CCNH: variants seen among roughly 807,000 people sequenced by gnomAD.
The protein encoded by CCNH is cyclin H.
CCNH carries 31 observed loss-of-function variants against 41.9 expected under a neutral mutation model. The ratio of observed to expected loss-of-function variants is 0.74; its 90% CI spans 0.56 to 1.00. The LOEUF is 1.00. Among genes scored for constraint, CCNH ranks in the 50% least tolerant of loss-of-function variants. CCNH has a pLI of 0.00. For missense variants in CCNH, 362 were observed against 388.4 expected, an observed-to-expected ratio of 0.93 and a Z score of 0.57; for synonymous variants, 138 against 136.1, an observed-to-expected ratio of 1.01 and a Z score of -0.10.
In CCNH at chr5:87,341,295, G is replaced by A. The variant is rs2112398085; in HGVS notation, c.*91-22398C>T. 7.4e-7 allele frequency: 1 copy of A among 1,348,630 alleles called. No individual in the cohort carries two copies. The highest frequency in any genetic ancestry group is 9.6e-7 in the Non-Finnish European group (1 of 1,041,740). 83.5% of individuals were successfully genotyped at this position (1,348,630 alleles called of 1,614,324 possible). A position where few individuals can be genotyped will look rare whatever the true frequency, so the allele number is the denominator to read the frequency against. On this transcript the variant is annotated intron_variant and NMD_transcript_variant, in intron 9 of 9. Coordinates refer to the CCNH transcript ENST00000645953. Reference sequence around the variant, plus strand: ...TCTTAATGTCTTCCCTTTAGGGCCGGGAAGAAGATCCACATGAAGGAAAAA... The same window carrying A: ...TCTTAATGTCTTCCCTTTAGGGCCGAGAAGAAGATCCACATGAAGGAAAAA...
chr5:87,341,149 C>A, intron 9 of CCNH: 1 of 465,744 alleles, frequency 2.1e-6, no homozygotes, highest in Non-Finnish European at 3.4e-6. Flanking sequence ...AAGATATTTA[C>A]TGAACAGAAA....
intron 9 of CCNH, chr5:87,333,293 A>C: frequency 6.2e-7 from 1 of 1,613,190 alleles, no homozygotes; most frequent in Non-Finnish European, 8.5e-7. Context: ...GGCGTGTACG[A>C]GCTATTCTAC....
chr5:87,393,427 T>TTTATC (rs1206676284), downstream of CCNH: 1 of 152,192 alleles, frequency 6.6e-6, no homozygotes, highest in Non-Finnish European at 1.5e-5. Context: ...AGTAGGCATT[T>TTTATC]TTATCTTCCC....
At chr5:87,403,906 T>C (rs1023532244) in intron 5 of CCNH, among the ~76,000 whole-genome samples, 9 of 152,248 alleles carry the variant, frequency 5.9e-5, no homozygotes, top group Admixed American at 2.0e-4. Flanking sequence ...TCCTAAAGTG[T>C]AGTACAGTGC....
chr5:87,335,419 G>GTTTTTTTTTTTTTTTTTTTTTTTTTTTTT, intron 9 of CCNH, among the ~76,000 whole-genome samples: 1 of 72,890 alleles, frequency 1.4e-5, no homozygotes, highest in Non-Finnish European at 2.4e-5. Flanking sequence ...AAAGAATGAG[G>GTTTTTTTTTTTTTTTTTTTTTTTTTTTTT]TTTTTTTTTT....
At chr5:87,395,003 A>T in intron 8 of CCNH, 41 bp downstream of exon 8, 1 of 1,612,014 alleles carries the variant, frequency 6.2e-7, no homozygotes. Context: ...CAGAATGTAT[A>T]ACAAAAATAA....
At chr5:87,334,348 C>G (rs1580287339) in intron 9 of CCNH, among the ~76,000 whole-genome samples, 1 of 152,020 alleles carries the variant, frequency 6.6e-6, no homozygotes, top group East Asian at 1.9e-4. Context: ...ATTTTTTGTT[C>G]TGTTCAGACC....
At chr5:87,351,506 T>G (rs930315319) in intron 9 of CCNH, among the ~76,000 whole-genome samples, 5 of 151,704 alleles carry the variant, frequency 3.3e-5, no homozygotes, top group African/African-American at 1.2e-4. Context: ...GTGCACATGG[T>G]TTTATGTGCT....
At chr5:87,365,934 C>T (rs967404244) in intron 9 of CCNH, among the ~76,000 whole-genome samples, 1 of 151,876 alleles carries the variant, frequency 6.6e-6, no homozygotes, top group Non-Finnish European at 1.5e-5. Context: ...GAAATGGAGG[C>T]TGTAATAAAA....
intron 9 of CCNH, among the ~76,000 whole-genome samples, chr5:87,338,536 A>ATATATATATATATTTTTTTTT: frequency 2.3e-5 from 2 of 85,212 alleles, no homozygotes; most frequent in African/African-American, 8.9e-5. Flanking sequence ...TATATATAAA[A>ATATATATATATATTTTTTTTT]TTTTTTTTTT....
chr5:87,408,188 T>C lies in CCNH; in HGVS notation c.315-2A>G. The C allele has an allele frequency of 6.4e-7, 1 of 1,551,706 alleles. No homozygotes were observed. The highest frequency in any genetic ancestry group is 2.3e-5 in the East Asian group (1 of 43,760). On this transcript the variant is annotated splice_acceptor_variant, in intron 3 of 8. Transcript: ENST00000256897. LOFTEE classifies it high-confidence loss of function. ...CAGGCCAAAAATGCACAAGTGAGCC[T>C]AGAGGAAAAAATAAGGAGGCAGGAG...
intron 9 of CCNH, chr5:87,338,224 A>G: frequency 1.4e-6 from 2 of 1,395,926 alleles, no homozygotes; most frequent in Non-Finnish European, 2.0e-6. Context: ...TACAAGAATT[A>G]TAAGTGCTGT....
At position 87,401,764 on chromosome 5, in the gene CCNH, G is replaced by A; in HGVS notation, c.698C>T (p.Ser233Leu). 6.4e-7 allele frequency: 1 copy of A among 1,568,452 alleles called. No homozygotes were observed. Among genetic ancestry groups the A allele is most frequent in the South Asian group, 1.2e-5 (1 of 84,862 alleles). Residue 233 changes from serine to leucine, a missense_variant, in exon 6 of 9, where the codon TCA becomes TTA. Coordinates refer to ENST00000256897, the MANE Select transcript of CCNH (RefSeq NM_001239.4). Reference sequence around the variant, plus strand: ...GTTCTCTTTCAGCATCAGACTCTCTGATAAATAACTAGTAAAGAAAAGAAA... The same window carrying A: ...GTTCTCTTTCAGCATCAGACTCTCTAATAAATAACTAGTAAAGAAAAGAAA... Reference protein sequence around the residue: ...RAGITMESYLSESLMLKENRT... With the variant: ...RAGITMESYLLESLMLKENRT...
rs1115230 is a variant in CCNH at position 87,355,209 on chromosome 5, G to A, written c.*91-36312C>T. On this transcript the variant is annotated intron_variant and NMD_transcript_variant, in intron 9 of 9. Coordinates refer to the CCNH transcript ENST00000645953. ...GTGTAAAGAAAACATCCTTCTATCT[G>A]AAAATATTATCTAGGACTTTCATGG... Among the ~76,000 whole-genome samples the A allele has an allele frequency of 1.3e-3, 197 of 152,288 alleles. 2 individuals are homozygous for A. Among genetic ancestry groups the A allele is most frequent in the Middle Eastern group, 0.01 (3 of 294 alleles).
intron 9 of CCNH, among the ~76,000 whole-genome samples, chr5:87,341,808 TACTC>T (rs1179180286): frequency 6.6e-6 from 1 of 152,166 alleles, no homozygotes; most frequent in African/African-American, 2.4e-5. Flanking sequence ...AATTCTCTCT[TACTC>T]ACATTTTAAT....
chr5:87,403,564 T>A (rs967841872), intron 5 of CCNH, among the ~76,000 whole-genome samples: 1 of 151,902 alleles, frequency 6.6e-6, no homozygotes, highest in Non-Finnish European at 1.5e-5. Flanking sequence ...ACTACTCGAG[T>A]CTAGGAGTGA....
chr5:87,411,878 T>C (rs558108132), intron 1 of CCNH, among the ~76,000 whole-genome samples: 1 of 152,176 alleles, frequency 6.6e-6, no homozygotes, highest in Non-Finnish European at 1.5e-5. Context: ...AGGTAGAAAG[T>C]AAAGTAACTC....
At chr5:87,318,793 A>C (rs1027494846) in exon 10 of CCNH, 4 of 152,244 alleles carry the variant, frequency 2.6e-5, no homozygotes, top group African/African-American at 9.6e-5. Context: ...GTCAAGACAC[A>C]ATCATGCCTT....
intron 9 of CCNH, among the ~76,000 whole-genome samples, chr5:87,385,977 C>T (rs894684052): frequency 2.6e-5 from 4 of 151,982 alleles, no homozygotes; most frequent in Non-Finnish European, 5.9e-5. Context: ...CAATTATTAG[C>T]TGAACTTTGG....
Sources: gnomAD v4.1 joint callset for allele counts (sites outside exome capture counted in the v4.1 genomes callset) on GRCh38, gnomAD v4.1.1 for gene constraint, MANE v1.5 for transcripts, NCBI Gene and HGNC (gene_info 2026-07-23, HGNC 2026-07-21) for gene names.